PHEX: variants seen among roughly 807,000 people sequenced by gnomAD.
The protein encoded by PHEX is phosphate regulating endopeptidase X-linked.
Under a neutral mutation model 68.0 loss-of-function variants are expected in PHEX, and 16 were observed. That is an observed-to-expected ratio of 0.24 (90% CI 0.16 to 0.36). The LOEUF is 0.36. Ranked by LOEUF, PHEX falls within the 10% of genes least tolerant of loss-of-function variation. PHEX has a pLI of 1.00. For missense variants in PHEX, 480 were observed against 575.5 expected (o/e 0.83, Z 1.70); for synonymous variants, 208 against 205.1 (o/e 1.01, Z -0.12).
At position 22,079,610 on chromosome X, in the gene PHEX, A is replaced by C. The variant is rs949215288; in HGVS notation, c.663+1908A>C. On this transcript the variant is annotated intron_variant, in intron 5 of 21. Transcript: ENST00000379374. The stretch of plus-strand genomic sequence containing the variant: ...CTTAAACATGTCCTTAAAAAAAAAA[A>C]CAGTTGGTCTTTGATTCAATCTCCA... Among the ~76,000 whole-genome samples the C allele has an allele frequency of 9.0e-5, 10 of 111,369 alleles. No individual in the cohort carries two copies. The South Asian group carries it at 1.5e-3, about 17-fold the overall frequency.
At chrX:22,247,681 GTTAATT>G (rs1399594444) in intron 21 of PHEX, among the ~76,000 whole-genome samples, 164 bp from the exon 22 acceptor site, 1 of 112,079 alleles carries the variant, frequency 8.9e-6, no homozygotes, top group African/African-American at 3.2e-5. Flanking sequence ...GATCTAGTCT[GTTAATT>G]TTTTCTGGAA....
intron 11 of PHEX, among the ~76,000 whole-genome samples, chrX:22,130,700 C>A (rs1048020562): frequency 7.2e-5 from 8 of 110,788 alleles, no homozygotes; most frequent in African/African-American, 2.6e-4. Flanking sequence ...CCTTTCACTC[C>A]CTGGCATTTC....
intron 13 of PHEX, among the ~76,000 whole-genome samples, chrX:22,175,169 A>C (rs770179156): frequency 1.8e-5 from 2 of 112,121 alleles, no homozygotes; most frequent in Non-Finnish European, 3.8e-5. Flanking sequence ...GAAAGAAGAA[A>C]TATTCTCAAC....
chrX:22,136,168 G>A (rs1048898669), intron 12 of PHEX, among the ~76,000 whole-genome samples: 6 of 95,688 alleles, frequency 6.3e-5, no homozygotes, highest in Non-Finnish European at 1.1e-4. Context: ...CTACTCCGGC[G>A]TTGTTTTTGA....
At chrX:22,033,243 G>T (rs2146974515) in intron 1 of PHEX, 120 bp downstream of exon 1, 1 of 535,982 alleles carries the variant, frequency 1.9e-6, no homozygotes, top group Non-Finnish European at 3.4e-6. Flanking sequence ...TTCATAGGTG[G>T]TGTATCTTTA....
At chrX:22,227,670 T>C in intron 20 of PHEX, 59 bp downstream of exon 20, 1 of 783,135 alleles carries the variant, frequency 1.3e-6, no homozygotes, top group African/African-American at 2.0e-5. Flanking sequence ...TTTGCTCCCT[T>C]GATCAAAGAA....
At position 22,250,590 on chromosome X, in the gene PHEX, G is replaced by C; in HGVS notation, c.*2637G>C. 9.0e-6 allele frequency: 1 copy of C among 111,464 alleles called. No homozygotes were observed. The highest frequency in any genetic ancestry group is 3.8e-4 in the South Asian group (1 of 2,640). 9.2% of individuals were successfully genotyped at this position (111,464 alleles called of 1,213,427 possible). ...TTTTTTGTGTTTGTGAAAATCTCCT[G>C]GATTAGTAAAAAAATTTTCTAGATA... On this transcript the variant is annotated 3_prime_UTR_variant, in exon 22 of 22. Transcript: ENST00000379374.
chrX:22,112,448 T>C (rs186432648), intron 10 of PHEX, among the ~76,000 whole-genome samples: 1 of 112,321 alleles, frequency 8.9e-6, no homozygotes, highest in East Asian at 2.8e-4. Context: ...TCTATCAATT[T>C]AAAGTTAAGT....
In PHEX at chrX:22,215,226, G is replaced by GT. The variant is rs370128705; in HGVS notation, c.1700+2277dup. Among the ~76,000 whole-genome samples, 550 of 109,989 alleles carry GT rather than the reference G, an allele frequency of 5.0e-3. 3 individuals carry two copies. The highest frequency in any genetic ancestry group is 0.016 in the African/African-American group (490 of 30,246). On this transcript the variant is annotated intron_variant, in intron 16 of 21. Coordinates refer to ENST00000379374, the MANE Select transcript of PHEX (RefSeq NM_000444.6). ...AGTTAATACTTGAGTGTGAAAGAGA[G>GT]TTTTTTTTTCCTAAAGACTTGTTTG... is the stretch of plus-strand genomic sequence containing the variant.
chrX:22,152,931 T>C (rs1012452101), intron 12 of PHEX, among the ~76,000 whole-genome samples: 40 of 111,768 alleles, frequency 3.6e-4, no homozygotes, highest in African/African-American at 1.3e-3. Context: ...TATTTGCCTT[T>C]TAGTGATCAT....
At chrX:22,093,417 T>C (rs1365426382) in intron 6 of PHEX, among the ~76,000 whole-genome samples, 3 of 112,232 alleles carry the variant, frequency 2.7e-5, no homozygotes, top group Non-Finnish European at 5.6e-5. Context: ...ATCGTTCCTC[T>C]CTTTTCTCCT....
chrX:22,147,644 G>A (rs1018196465), intron 12 of PHEX, among the ~76,000 whole-genome samples: 1 of 110,751 alleles, frequency 9.0e-6, no homozygotes. Flanking sequence ...ACAAACTGGA[G>A]AAACAGCCTG....
intron 3 of PHEX, among the ~76,000 whole-genome samples, chrX:22,064,508 C>T (rs1024958692): frequency 9.0e-6 from 1 of 111,630 alleles, no homozygotes; most frequent in Non-Finnish European, 1.9e-5. Context: ...CATAGTATTC[C>T]GTGGTATGTG....
At chrX:22,157,266 C>T (rs78914431) in intron 12 of PHEX, among the ~76,000 whole-genome samples, 4 of 112,003 alleles carry the variant, frequency 3.6e-5, no homozygotes, top group Admixed American at 9.4e-5. Context: ...CAGAGGTGAG[C>T]GGATTGCTTG....
At chrX:22,055,695 G>T (rs746960416) in intron 3 of PHEX, among the ~76,000 whole-genome samples, 23 of 111,497 alleles carry the variant, frequency 2.1e-4, no homozygotes, top group African/African-American at 7.2e-4. Context: ...CTGAGTAGCT[G>T]GGATTATAGG....
At chrX:22,053,102 G>A (rs1276699416) in intron 3 of PHEX, among the ~76,000 whole-genome samples, 1 of 111,774 alleles carries the variant, frequency 8.9e-6, no homozygotes, top group Non-Finnish European at 1.9e-5. Flanking sequence ...TTTGTTCCTC[G>A]CTTTGTTTCA....
At chrX:22,171,376 A>G (rs1241211882) in intron 13 of PHEX, 1 of 110,702 alleles carries the variant, frequency 9.0e-6, no homozygotes, top group African/African-American at 3.3e-5. Flanking sequence ...CCCTTGACAT[A>G]TGGGGATTAC....
In PHEX at chrX:22,098,795, C is replaced by CAAAAAAAAA. The variant is rs746223770; in HGVS notation, c.934-187_934-179dup. On this transcript the variant is annotated intron_variant, in intron 8 of 21. Coordinates refer to ENST00000379374, the MANE Select transcript of PHEX (RefSeq NM_000444.6). ...CCTGGGTGATAGAGCGAGAATGTCT[C>CAAAAAAAAA]AAAAAAAAAAAAAAAAAAAAAAAAA... Among the ~76,000 whole-genome samples the CAAAAAAAAA allele has an allele frequency of 8.8e-3, 100 of 11,368 alleles. 15 individuals carry two copies. The highest frequency in any genetic ancestry group is 0.015 in the African/African-American group (68 of 4,512). 9.9% of individuals were successfully genotyped at this position (11,368 alleles called of 115,157 possible). A position where few individuals can be genotyped will look rare whatever the true frequency, so the allele number is the denominator to read the frequency against.
At position 22,169,326 on chromosome X, in the gene PHEX, A is replaced by G. The variant is rs1352030047; in HGVS notation, c.1482+937A>G. On this transcript the variant is annotated intron_variant, in intron 13 of 21. Coordinates refer to ENST00000379374, the MANE Select transcript of PHEX (RefSeq NM_000444.6). ...CTCTGGAAGAAAATAATGATGCCTCATAGCATCCTAAAACTCAGTCTATCT... is the reference window on the plus strand; with the variant it reads ...CTCTGGAAGAAAATAATGATGCCTCGTAGCATCCTAAAACTCAGTCTATCT... Among the ~76,000 whole-genome samples the G allele has an allele frequency of 3.6e-5, 4 of 112,347 alleles. No individual in the cohort carries two copies. In the Admixed American group the frequency reaches 3.8e-4, roughly 11 times the overall value.
Sources: allele counts gnomAD v4.1 joint callset (sites outside exome capture counted in the v4.1 genomes callset), GRCh38; gene constraint gnomAD v4.1.1; transcripts MANE v1.5; gene names NCBI Gene and HGNC (gene_info 2026-07-23, HGNC 2026-07-21).